The following ZNF599 variants were observed in gnomAD, a reference collection of about 807,000 sequenced individuals.
ZNF599 encodes the protein zinc finger protein 599.
A neutral mutation model predicts 11.7 loss-of-function variants in ZNF599; 10 were observed. The observed-to-expected ratio is 0.86, with a 90% CI of 0.53 to 1.45. The LOEUF is 1.45. Ranked by LOEUF, ZNF599 falls within the 40% of genes most tolerant of loss-of-function variation. ZNF599 has a pLI of 0.00. For synonymous variants in ZNF599, 232 were observed against 253.2 expected (o/e 0.92, Z 0.79); for missense variants, 688 against 713.6 (o/e 0.96, Z 0.41).
At chr19:34,763,836 C>T (rs1483719011) in intron 3 of ZNF599, 2 of 152,112 alleles carry the variant, frequency 1.3e-5, no homozygotes, top group Non-Finnish European at 2.9e-5. Flanking sequence ...GTAATCCCAG[C>T]ACTTTGGGAG....
chr19:34,779,474 G>A, the ZNF599 span: 4 of 456,584 alleles, frequency 8.8e-6, no homozygotes, highest in African/African-American at 2.0e-5. Flanking sequence ...TACTGAGGCT[G>A]GGGCTTTGGA....
At chr19:34,777,021 C>T (rs893536307), upstream of ZNF599, among the ~76,000 whole-genome samples, 1 of 151,598 alleles carries the variant, frequency 6.6e-6, no homozygotes, top group Non-Finnish European at 1.5e-5. Context: ...AAAGTTGCTT[C>T]CACCTCATCC....
Position 34,759,549 on chromosome 19 carries a change from T to C in ZNF599, c.1252A>G (p.Thr418Ala), listed in dbSNP as rs769143200. ...TTGCACTCAAAGGGCTTCTCTCCGG[T>C]ATGGGTCCTCTTATGTCGGATGAAA... ...STFIRHKRTH[T>A]GEKPFECKEC... The change falls in exon 4 of 4, where the codon ACC becomes GCC. Residue 418 changes from threonine (T) to alanine (A), a missense_variant. Thr to Ala is a moderately conservative substitution (Grantham distance 58). Transcript: ENST00000329285. 3.1e-6 allele frequency: 5 copies of C among 1,613,724 alleles called. No individual in the cohort carries two copies. Among genetic ancestry groups the C allele is most frequent in the Non-Finnish European group, 4.2e-6 (5 of 1,179,936 alleles).
chr19:34,789,878 G>A, the ZNF599 span, among the ~76,000 whole-genome samples: 6 of 152,160 alleles, frequency 3.9e-5, no homozygotes, highest in African/African-American at 1.4e-4. Flanking sequence ...GACTATTTTT[G>A]CTTTTGTTGC....
chr19:34,783,545 A>G, the ZNF599 span, among the ~76,000 whole-genome samples: 1 of 152,140 alleles, frequency 6.6e-6, no homozygotes, highest in African/African-American at 2.4e-5. Context: ...CTGGTTGGCT[A>G]TACATGAATG....
chr19:34,805,554 A>T, the ZNF599 span, among the ~76,000 whole-genome samples: 1 of 152,064 alleles, frequency 6.6e-6, no homozygotes, highest in African/African-American at 2.4e-5. Flanking sequence ...CCCTATTTTT[A>T]AAAAAGGTCT....
At chr19:34,802,919 A>C in the ZNF599 span, among the ~76,000 whole-genome samples, 1 of 152,236 alleles carries the variant, frequency 6.6e-6, no homozygotes, top group African/African-American at 2.4e-5. Context: ...TGGCCCAGGG[A>C]AACTTGGAGC....
the ZNF599 span, among the ~76,000 whole-genome samples, chr19:34,781,337 G>A: frequency 1.3e-4 from 20 of 152,264 alleles, no homozygotes; most frequent in East Asian, 3.7e-3. Flanking sequence ...TGTAGGTTCT[G>A]GGTGGAAGGA....
the ZNF599 span, among the ~76,000 whole-genome samples, chr19:34,800,863 G>A: frequency 6.6e-6 from 1 of 152,064 alleles, no homozygotes; most frequent in Non-Finnish European, 1.5e-5. Context: ...CCAAAGTGCT[G>A]GGATTACAGG....
intron 1 of ZNF599, among the ~76,000 whole-genome samples, chr19:34,770,097 T>A (rs1405332099): frequency 2.0e-5 from 3 of 152,234 alleles, no homozygotes; most frequent in Non-Finnish European, 2.9e-5. Flanking sequence ...CGAACTGTTG[T>A]GAAAATTAAT....
In ZNF599 at chr19:34,769,513, C is replaced by G. The variant is rs765450289; in HGVS notation, c.61G>C (p.Glu21Gln). Residue 21 changes from glutamate (E) to glutamine (Q), a missense_variant, in exon 2 of 4, where the codon GAG becomes CAG. Glu to Gln is a conservative substitution (Grantham distance 29). Coordinates refer to ENST00000329285, the MANE Select transcript of ZNF599 (RefSeq NM_001007248.3). ...FEDVVVTFTG[E>Q]EWGHLDLAQR... ...GCCAGGTCCAGGTGCCCCCATTCCT[C>G]TCCAGTGAAGGTCACAACCACGTCT... 1.2e-6 allele frequency: 2 copies of G among 1,614,104 alleles called. No individual in the cohort carries two copies. Among genetic ancestry groups the G allele is most frequent in the East Asian group, 4.5e-5 (2 of 44,900 alleles).
the ZNF599 span, among the ~76,000 whole-genome samples, chr19:34,792,066 C>T: frequency 6.6e-6 from 1 of 152,176 alleles, no homozygotes; most frequent in African/African-American, 2.4e-5. Context: ...TGGAAACCAA[C>T]AGCACAAAAA....
chr19:34,795,154 T>TA, the ZNF599 span, among the ~76,000 whole-genome samples: 1 of 152,212 alleles, frequency 6.6e-6, no homozygotes, highest in Non-Finnish European at 1.5e-5. Context: ...GTAACAGAGC[T>TA]ATTAAAGGCC....
At chr19:34,771,870 ACAAT>A (rs568812349) in intron 1 of ZNF599, among the ~76,000 whole-genome samples, 201 of 152,362 alleles carry the variant, frequency 1.3e-3, no homozygotes, top group Middle Eastern at 0.01. Context: ...TCAGCAATAA[ACAAT>A]CAAGATAAAG....
At chr19:34,795,211 G>T in the ZNF599 span, among the ~76,000 whole-genome samples, 35 of 152,196 alleles carry the variant, frequency 2.3e-4, no homozygotes, top group Non-Finnish European at 4.9e-4. Context: ...ATCCTTTGAT[G>T]GAGTCTCAGA....
At chr19:34,764,813 T>C (rs1297442197) in intron 3 of ZNF599, 1 of 152,232 alleles carries the variant, frequency 6.6e-6, no homozygotes, top group African/African-American at 2.4e-5. Context: ...AACTGTGAGA[T>C]GGTTTCTCTG....
chr19:34,785,814 T>G, the ZNF599 span, among the ~76,000 whole-genome samples: 10 of 152,114 alleles, frequency 6.6e-5, no homozygotes, highest in Admixed American at 6.6e-4. Context: ...AGTAAAACAT[T>G]GGAACAATAT....
rs1408973095 is a variant in ZNF599, at chr19:34,773,140, T to G, written c.-299A>C. On this transcript the variant is annotated 5_prime_UTR_variant, in exon 1 of 4. Transcript: ENST00000329285. Reference sequence around the variant, plus strand: ...CTACTCGGTCTCGAAAAGTGGCCCCTGTCTGGCGTTCTACCCAGTGTAGCG... The same window carrying G: ...CTACTCGGTCTCGAAAAGTGGCCCCGGTCTGGCGTTCTACCCAGTGTAGCG... The G allele has an allele frequency of 5.1e-6, 2 of 392,104 alleles. No individual in the cohort carries two copies. Among genetic ancestry groups the G allele is most frequent in the Non-Finnish European group, 9.1e-6 (2 of 220,466 alleles). 24.3% of individuals were successfully genotyped at this position (392,104 alleles called of 1,614,324 possible). A position where few individuals can be genotyped will look rare whatever the true frequency, so the allele number is the denominator to read the frequency against.
intron 3 of ZNF599, among the ~76,000 whole-genome samples, chr19:34,761,974 T>C (rs1449617354): frequency 6.6e-6 from 1 of 152,122 alleles, no homozygotes; most frequent in Non-Finnish European, 1.5e-5. Context: ...AACATTAGTA[T>C]CAGATAGCAA....
Sources: allele counts gnomAD v4.1 joint callset (sites outside exome capture counted in the v4.1 genomes callset), GRCh38; gene constraint gnomAD v4.1.1; transcripts MANE v1.5; gene names NCBI Gene and HGNC (gene_info 2026-07-23, HGNC 2026-07-21).